The following ARHGAP22 variants were observed in gnomAD, a reference collection of about 807,000 sequenced individuals.
ARHGAP22 encodes rho GTPase-activating protein 22.
Under a neutral mutation model 59.1 loss-of-function variants are expected in ARHGAP22, and 48 were observed. The observed-to-expected ratio is 0.81, with a 90% CI of 0.64 to 1.03. ARHGAP22 has a LOEUF of 1.03. Ranked by LOEUF, ARHGAP22 falls within the 50% of genes least tolerant of loss-of-function variation. ARHGAP22 has a pLI of 0.00. For synonymous variants in ARHGAP22, 445 were observed against 416.4 expected, an observed-to-expected ratio of 1.07 and a Z score of -0.84; for missense variants, 1,015 against 958.7, an observed-to-expected ratio of 1.06 and a Z score of -0.78.
At chr10:48,606,495 A>G (rs944619158), upstream of ARHGAP22, among the ~76,000 whole-genome samples, 1 of 152,182 alleles carries the variant, frequency 6.6e-6, no homozygotes, top group Non-Finnish European at 1.5e-5. Flanking sequence ...ACCTTGGCAT[A>G]ACATTCCAGG....
chr10:48,639,166 A>G (rs2061943376), intron 1 of ARHGAP22, among the ~76,000 whole-genome samples: 3 of 152,232 alleles, frequency 2.0e-5, no homozygotes. Flanking sequence ...CATGGGGAGC[A>G]GCAATTTTGC....
chr10:48,454,923 G>A (rs1162445537), intron 6 of ARHGAP22, 79 bp downstream of exon 6: 1 of 1,344,222 alleles, frequency 7.4e-7, no homozygotes, highest in Non-Finnish European at 9.8e-7. Flanking sequence ...TTCATGAAAA[G>A]TCAGAGTCTG....
intron 1 of ARHGAP22, among the ~76,000 whole-genome samples, chr10:48,589,171 C>T (rs1814474): frequency 0.73 from 111,350 of 152,086 alleles, 41,301 homozygotes; most frequent in East Asian, 0.99. Context: ...TGATATTGCT[C>T]TGACCAAATC....
chr10:48,635,243 C>T (rs1486728013), intron 1 of ARHGAP22, among the ~76,000 whole-genome samples: 1 of 152,126 alleles, frequency 6.6e-6, no homozygotes, highest in Non-Finnish European at 1.5e-5. Flanking sequence ...TGCACTGGGC[C>T]TGGTGTTTCC....
chr10:48,619,677 T>C (rs895562157), intron 1 of ARHGAP22, among the ~76,000 whole-genome samples: 4 of 152,174 alleles, frequency 2.6e-5, no homozygotes, highest in African/African-American at 9.7e-5. Context: ...ACTTCTCTCA[T>C]ACTGTATACT....
At chr10:48,626,986 A>C (rs960243084) in intron 1 of ARHGAP22, among the ~76,000 whole-genome samples, 10 of 152,194 alleles carry the variant, frequency 6.6e-5, no homozygotes, top group Non-Finnish European at 1.5e-4. Flanking sequence ...ACCAATGACC[A>C]ATGATTTGAT....
intron 1 of ARHGAP22, among the ~76,000 whole-genome samples, chr10:48,612,287 C>T (rs1038355255): frequency 6.6e-6 from 1 of 152,198 alleles, no homozygotes. Flanking sequence ...TGTTTTTTGG[C>T]TGTACCATGT....
chr10:48,450,853 G>T lies in ARHGAP22; in HGVS notation c.1276C>A (p.Pro426Thr), dbSNP rs1057403268. 3 of 1,590,344 alleles carry T rather than the reference G, an allele frequency of 1.9e-6. No homozygotes were observed. The highest frequency in any genetic ancestry group is 2.3e-5 in the South Asian group (2 of 86,488). The change falls in exon 9 of 10, where the codon CCC becomes ACC. Residue 426 changes from proline (P) to threonine (T), a missense_variant. Coordinates refer to ENST00000249601, the MANE Select transcript of ARHGAP22 (RefSeq NM_021226.4). ...TGCCGGAAGGAGGACTTCCAACTGG[G>T]CAGGGTCTGCACCTTCTTCCCAGGG... ...CSPGKKVQTL[P>T]SWKSSFRQPR...
At chr10:48,643,583 T>A (rs1250925662) in intron 1 of ARHGAP22, among the ~76,000 whole-genome samples, 1 of 138,998 alleles carries the variant, frequency 7.2e-6, no homozygotes, top group East Asian at 2.1e-4. Flanking sequence ...AAGGGGAACA[T>A]CACACACCAG....
chr10:48,453,972 G>T, intron 7 of ARHGAP22, 116 bp downstream of exon 7: 3 of 1,074,390 alleles, frequency 2.8e-6, no homozygotes, highest in South Asian at 1.3e-5. Context: ...GCTGTGCAGG[G>T]TGGGGAATGA....
intron 2 of ARHGAP22, among the ~76,000 whole-genome samples, chr10:48,577,800 G>GGTTTTTTTTTT (rs2058827005): frequency 2.4e-5 from 1 of 41,962 alleles, no homozygotes; most frequent in Non-Finnish European, 4.0e-5. Flanking sequence ...GCTCTTTTTT[G>GGTTTTTTTTTT]GTTTTTTTTT....
At chr10:48,464,044 C>T (rs1396880954) in intron 4 of ARHGAP22, among the ~76,000 whole-genome samples, 1 of 152,196 alleles carries the variant, frequency 6.6e-6, no homozygotes, top group Non-Finnish European at 1.5e-5. Context: ...CCATCTCCTA[C>T]CCCCAAAACT....
intron 8 of ARHGAP22, 153 bp downstream of exon 8, chr10:48,453,151 C>T: frequency 9.2e-7 from 1 of 1,092,064 alleles, no homozygotes; most frequent in Non-Finnish European, 1.3e-6. Context: ...TGCAGAAGTT[C>T]CTGCCAAGTC....
chr10:48,456,676 C>T (rs537324118), intron 5 of ARHGAP22, among the ~76,000 whole-genome samples: 1 of 152,246 alleles, frequency 6.6e-6, no homozygotes, highest in East Asian at 1.9e-4. Flanking sequence ...CATTTCTGCC[C>T]TGGGTGAGTG....
At chr10:48,464,483 A>C (rs997820696) in intron 4 of ARHGAP22, among the ~76,000 whole-genome samples, 2 of 152,234 alleles carry the variant, frequency 1.3e-5, no homozygotes, top group East Asian at 3.9e-4. Flanking sequence ...GCTGAAGCCA[A>C]CGTCTAAAGA....
intron 1 of ARHGAP22, among the ~76,000 whole-genome samples, chr10:48,634,849 G>T (rs1347192954): frequency 6.6e-6 from 1 of 152,134 alleles, no homozygotes; most frequent in Non-Finnish European, 1.5e-5. Flanking sequence ...ATTAGGGTGG[G>T]CCCTAGTCCA....
chr10:48,547,440 G>C (rs2056541366), intron 3 of ARHGAP22, among the ~76,000 whole-genome samples: 1 of 152,264 alleles, frequency 6.6e-6, no homozygotes, highest in Admixed American at 6.5e-5. Flanking sequence ...AGCCCAGTGG[G>C]AGGGAAGGAG....
chr10:48,589,638 G>A (rs2059634340), intron 1 of ARHGAP22, among the ~76,000 whole-genome samples: 1 of 152,110 alleles, frequency 6.6e-6, no homozygotes, highest in Non-Finnish European at 1.5e-5. Context: ...ATCCCTCCCC[G>A]TCAAGTCCTA....
In ARHGAP22 at chr10:48,603,263, T is replaced by C. The variant is rs540692619; in HGVS notation, c.34+1500A>G. ...CAAAGACAGGCTGCCTGTAAGCCCC[T>C]TTGCTGAAGCACTGGTCTCTTACTA... is the stretch of plus-strand genomic sequence containing the variant. On this transcript the variant is annotated intron_variant, in intron 1 of 9. Coordinates refer to ENST00000249601, the MANE Select transcript of ARHGAP22 (RefSeq NM_021226.4). Among the ~76,000 whole-genome samples the C allele has an allele frequency of 1.1e-4, 16 of 152,352 alleles. No homozygotes were observed. The South Asian group carries it at 3.3e-3, about 32-fold the overall frequency.
Sources: allele counts gnomAD v4.1 joint callset (sites outside exome capture counted in the v4.1 genomes callset), GRCh38; gene constraint gnomAD v4.1.1; transcripts MANE v1.5; gene names NCBI Gene and HGNC (gene_info 2026-07-23, HGNC 2026-07-21).